PREX2: variants seen among roughly 807,000 people sequenced by gnomAD.
PREX2 encodes phosphatidylinositol-3,4,5-trisphosphate dependent Rac exchange factor 2, also known as phosphatidylinositol 3,4,5-trisphosphate-dependent Rac exchanger 2 protein.
PREX2 carries 107 observed loss-of-function variants against 203.2 expected under a neutral mutation model. The observed-to-expected ratio is 0.53, with a 90% CI of 0.45 to 0.62. PREX2 has a LOEUF of 0.62. Among genes scored for constraint, PREX2 ranks in the 20% least tolerant of loss-of-function variants. The probability of loss-of-function intolerance (pLI) is 0.00; values close to 1 mark genes in which losing one functional copy is unlikely to be tolerated. For missense variants in PREX2, 1,777 were observed against 1,955.9 expected (o/e 0.91, Z 1.72); for synonymous variants, 672 against 663.6 (o/e 1.01, Z -0.19).
intron 23 of PREX2, chr8:68,103,508 A>T (rs1487741436): frequency 1.9e-6 from 1 of 517,978 alleles, no homozygotes; most frequent in Non-Finnish European, 3.9e-6. Flanking sequence ...TATATCACCT[A>T]CATTAAAAAG....
chr8:68,064,348 CA>C (rs1027172333), intron 11 of PREX2, among the ~76,000 whole-genome samples: 2 of 151,860 alleles, frequency 1.3e-5, no homozygotes, highest in African/African-American at 4.8e-5. Context: ...AATTATGTTG[CA>C]AAAAGGGTAA....
intron 23 of PREX2, among the ~76,000 whole-genome samples, chr8:68,103,154 A>G (rs1390287804): frequency 1.3e-5 from 2 of 152,168 alleles, no homozygotes; most frequent in East Asian, 1.9e-4. Context: ...CTTCCTTTGA[A>G]TGTCTGAAGT....
At chr8:68,030,707 A>C (rs993527839) in intron 6 of PREX2, 49 bp downstream of exon 6, 7 of 1,579,662 alleles carry the variant, frequency 4.4e-6, no homozygotes, top group Admixed American at 3.3e-5. Context: ...TTTATGTTGC[A>C]GGCCTCGTGC....
intron 35 of PREX2, among the ~76,000 whole-genome samples, chr8:68,171,237 A>G (rs1008731325): frequency 2.0e-5 from 3 of 152,194 alleles, no homozygotes; most frequent in African/African-American, 4.8e-5. Flanking sequence ...GTGTGCCTTC[A>G]TCAATGAAGA....
In PREX2 at chr8:68,103,570, GA is replaced by G. The variant is rs148954964; in HGVS notation, c.2715+3731del. 4.0e-3 allele frequency: 2,069 copies of G among 518,910 alleles called. 32 individuals are homozygous for G. Among genetic ancestry groups the G allele is most frequent in the African/African-American group, 0.036 (1,856 of 52,030 alleles). 32.1% of individuals were successfully genotyped at this position (518,910 alleles called of 1,614,324 possible). ...TTCCCTTTCTTTGATCTTTCTCCTG[GA>G]AAAGGCTGTCTATACCTGCTTTCTC... On this transcript the variant is annotated intron_variant, in intron 23 of 39. Transcript: ENST00000288368.
In PREX2 at chr8:68,125,066, G is replaced by A. The variant is rs138840192; in HGVS notation, c.3725-2312G>A. On this transcript the variant is annotated intron_variant, in intron 30 of 39. Transcript: ENST00000288368. The stretch of plus-strand genomic sequence containing the variant: ...CTTCATCTCAATGGACTATGCAAGC[G>A]AGAGGGCATGCTACCATTTCCTGGT... 4.6e-3 allele frequency among the ~76,000 whole-genome samples: 695 copies of A among 152,154 alleles called. 8 individuals carry two copies. The highest frequency in any genetic ancestry group is 0.016 in the African/African-American group (669 of 41,526).
intron 35 of PREX2, among the ~76,000 whole-genome samples, chr8:68,170,958 A>G (rs1811864422): frequency 6.6e-6 from 1 of 152,230 alleles, no homozygotes; most frequent in Admixed American, 6.5e-5. Flanking sequence ...TGTAAATGTG[A>G]ACAGTGTTCT....
intron 1 of PREX2, among the ~76,000 whole-genome samples, chr8:67,996,836 AG>A (rs1335142604): frequency 6.6e-6 from 1 of 152,142 alleles, no homozygotes; most frequent in Non-Finnish European, 1.5e-5. Flanking sequence ...ATAGGAGTTG[AG>A]GTTTGTTTTA....
chr8:68,095,770 T>G (rs148488286), intron 21 of PREX2, among the ~76,000 whole-genome samples: 145 of 152,064 alleles, frequency 9.5e-4, no homozygotes, highest in African/African-American at 3.3e-3. Flanking sequence ...CCCCTTCCAG[T>G]AGCTGGGACT....
intron 1 of PREX2, among the ~76,000 whole-genome samples, chr8:67,974,999 C>T (rs138224633): frequency 1.4e-3 from 208 of 152,290 alleles, no homozygotes; most frequent in African/African-American, 4.9e-3. Flanking sequence ...GTTCCTCATA[C>T]CACTTCTCAG....
chr8:68,033,907 C>T (rs6993365), intron 6 of PREX2, among the ~76,000 whole-genome samples: 11,152 of 152,116 alleles, frequency 0.073, 1,262 homozygotes, highest in African/African-American at 0.25. Context: ...GGCTATTTAA[C>T]CTACACGAGT....
rs764008133 is a variant in PREX2, at chr8:68,090,644, G to A, written c.2179G>A (p.Val727Ile). 17 of 1,613,876 alleles carry A rather than the reference G, an allele frequency of 1.1e-5. 1 individual carries two copies. In the South Asian group the frequency reaches 1.5e-4, roughly 15 times the overall value. Reference protein sequence around the residue: ...QCIIKVNGINVSKETHASVIA... With the variant: ...QCIIKVNGINISKETHASVIA... ...CATTATCAAGGTGAATGGAATCAAT[G>A]TCAGCAAAGAGACACATGCCAGTGT... Residue 727 changes from valine (V) to isoleucine (I), a missense_variant, in exon 20 of 40, where the codon GTC (valine) becomes ATC (isoleucine). Transcript: ENST00000288368.
At chr8:68,037,389 A>G (rs929581829) in intron 6 of PREX2, among the ~76,000 whole-genome samples, 15 of 152,178 alleles carry the variant, frequency 9.9e-5, no homozygotes, top group African/African-American at 3.6e-4. Context: ...AATATTTATA[A>G]TGGCTCAAAA....
chr8:68,158,138 C>T (rs866944700), intron 35 of PREX2, among the ~76,000 whole-genome samples: 19 of 148,292 alleles, frequency 1.3e-4, no homozygotes, highest in South Asian at 2.1e-4. Flanking sequence ...TATATATACA[C>T]ACATATATGA....
intron 35 of PREX2, among the ~76,000 whole-genome samples, chr8:68,180,853 G>T (rs545497930): frequency 9.2e-5 from 14 of 152,196 alleles, no homozygotes; most frequent in East Asian, 1.9e-4. Context: ...GGGATTAGCA[G>T]ATTGGACTTC....
At chr8:67,972,549 G>T (rs144310683) in intron 1 of PREX2, among the ~76,000 whole-genome samples, 31 of 152,186 alleles carry the variant, frequency 2.0e-4, no homozygotes, top group African/African-American at 6.5e-4. Context: ...GGTTCCCCGT[G>T]ACTATCTTTT....
At chr8:68,096,941 A>T in intron 21 of PREX2, 76 bp from the exon 22 acceptor site, 2 of 1,233,076 alleles carry the variant, frequency 1.6e-6, no homozygotes, top group Non-Finnish European at 2.3e-6. Flanking sequence ...AAAATTATTT[A>T]AAGAGACACA....
chr8:68,098,644 G>C (rs980288363), intron 22 of PREX2, among the ~76,000 whole-genome samples: 2 of 151,878 alleles, frequency 1.3e-5, no homozygotes, highest in African/African-American at 4.8e-5. Flanking sequence ...GACAGCATAT[G>C]AACTAGTATT....
chr8:68,016,676 G>C (rs748693220), intron 1 of PREX2, among the ~76,000 whole-genome samples: 6 of 152,128 alleles, frequency 3.9e-5, no homozygotes, highest in Non-Finnish European at 8.8e-5. Context: ...ATAGTGGTGC[G>C]TGTGACTATG....
Sources: allele counts gnomAD v4.1 joint callset (sites outside exome capture counted in the v4.1 genomes callset), GRCh38; gene constraint gnomAD v4.1.1; transcripts MANE v1.5; gene names NCBI Gene and HGNC (gene_info 2026-07-23, HGNC 2026-07-21).